The following CLEC4C variants were observed in gnomAD, a reference collection of about 807,000 sequenced individuals.
CLEC4C encodes the protein C-type (calcium dependent, carbohydrate-recognition domain) lectin, superfamily member 11.
CLEC4C carries 17 observed loss-of-function variants against 27.7 expected under a neutral mutation model. That is an observed-to-expected ratio of 0.61 (90% CI 0.42 to 0.92). CLEC4C has a LOEUF of 0.92. Ranked by LOEUF, CLEC4C falls within the 40% of genes least tolerant of loss-of-function variation. The pLI is 0.00. For missense variants in CLEC4C, 244 were observed against 257.3 expected (o/e 0.95, Z 0.35); for synonymous variants, 80 against 80.8 (o/e 0.99, Z 0.06).
chr12:7,730,375 TCA>T (rs1592087014), intron 5 of CLEC4C, among the ~76,000 whole-genome samples: 1 of 152,312 alleles, frequency 6.6e-6, no homozygotes, highest in East Asian at 1.9e-4. Context: ...GGATGGTGGC[TCA>T]CACCTGTAAT....
Position 7,730,863 on chromosome 12 carries a change from A to C in CLEC4C, c.431T>G (p.Leu144Arg). ...ATGTCGCCGACCCCCTGGATCTGAC[A>C]GCCCCAGAAAATAAGAAGAATTTCT... The part of the protein sequence containing the change: ...LKRNSSYFLG[L>R]SDPGGRRHWQ... Residue 144 changes from leucine to arginine, a missense_variant, in exon 5 of 6, where the codon CTG becomes CGG. Transcript: ENST00000360345. 6.2e-7 allele frequency: 1 copy of C among 1,610,352 alleles called. No homozygotes were observed. Among genetic ancestry groups the C allele is most frequent in the Non-Finnish European group, 8.5e-7 (1 of 1,176,850 alleles).
upstream of CLEC4C, among the ~76,000 whole-genome samples, chr12:7,748,255 C>T (rs781023049): frequency 2.6e-5 from 4 of 152,256 alleles, no homozygotes; most frequent in Admixed American, 2.0e-4. Flanking sequence ...GAGCTGGGCA[C>T]GGTGGCTCAT....
chr12:7,739,261 C>G (rs1864799839), intron 3 of CLEC4C, among the ~76,000 whole-genome samples: 1 of 151,732 alleles, frequency 6.6e-6, no homozygotes, highest in African/African-American at 2.4e-5. Context: ...TACAGGTGCC[C>G]GCCACCACGC....
chr12:7,747,309 A>G lies in CLEC4C; in HGVS notation c.31+9T>C. 6.2e-7 allele frequency: 1 copy of G among 1,613,894 alleles called. No individual in the cohort carries two copies. ...TACCTTCCCTAGAACTGAGAAGATGAGTGCTTACCTCGGTCTTGAGGCTCT... is the reference window on the plus strand; with the variant it reads ...TACCTTCCCTAGAACTGAGAAGATGGGTGCTTACCTCGGTCTTGAGGCTCT... On this transcript the variant is annotated intron_variant, in intron 1 of 5. Coordinates refer to ENST00000360345, the MANE Select transcript of CLEC4C (RefSeq NM_001371390.1).
At position 7,738,962 on chromosome 12, in the gene CLEC4C, C is replaced by A. The variant is rs191649994; in HGVS notation, c.236-1388G>T. ...TATCTCCTAATGCTATCCCTCCCCCCTCCCCACCCCACAACAGGCCCCAGT... is the reference window on the plus strand; with the variant it reads ...TATCTCCTAATGCTATCCCTCCCCCATCCCCACCCCACAACAGGCCCCAGT... On this transcript the variant is annotated intron_variant, in intron 3 of 5. Coordinates refer to ENST00000360345, the MANE Select transcript of CLEC4C (RefSeq NM_001371390.1). Among the ~76,000 whole-genome samples, 4 of 131,502 alleles carry A rather than the reference C, an allele frequency of 3.0e-5. No individual in the cohort carries two copies. In the East Asian group the frequency reaches 1.1e-3, roughly 35 times the overall value. 86.3% of individuals were successfully genotyped at this position (131,502 alleles called of 152,430 possible).
upstream of CLEC4C, chr12:7,747,455 C>T (rs750492395): frequency 4.3e-6 from 5 of 1,154,550 alleles, no homozygotes; most frequent in Admixed American, 8.6e-5. Flanking sequence ...TTCAAACAAG[C>T]CAAGCCCTTA....
chr12:7,735,038 T>C (rs780892762), intron 4 of CLEC4C, among the ~76,000 whole-genome samples: 19 of 151,330 alleles, frequency 1.3e-4, no homozygotes, highest in Non-Finnish European at 2.7e-4. Context: ...CTGTCTCTAC[T>C]AAAAATACAA....
chr12:7,739,262 G>C (rs1460492415), intron 3 of CLEC4C, among the ~76,000 whole-genome samples: 2 of 151,726 alleles, frequency 1.3e-5, no homozygotes, highest in African/African-American at 4.8e-5. Flanking sequence ...ACAGGTGCCC[G>C]CCACCACGCC....
At position 7,743,424 on chromosome 12, in the gene CLEC4C, G is replaced by A. The variant is rs145368961; in HGVS notation, c.125-1893C>T. On this transcript the variant is annotated intron_variant, in intron 2 of 5. Transcript: ENST00000360345. ...TTTTGAGATGGAGTCTTGCTCTGTC[G>A]CCCAGGCTGGAGTGCAGTGGCGCGA... is the stretch of plus-strand genomic sequence containing the variant. 2.7e-3 allele frequency among the ~76,000 whole-genome samples: 397 copies of A among 146,504 alleles called. 3 individuals are homozygous for A. Among genetic ancestry groups the A allele is most frequent in the African/African-American group, 9.4e-3 (370 of 39,472 alleles).
At chr12:7,731,912 T>G (rs931691988) in intron 4 of CLEC4C, among the ~76,000 whole-genome samples, 3 of 152,112 alleles carry the variant, frequency 2.0e-5, no homozygotes, top group Admixed American at 2.0e-4. Flanking sequence ...CGAGCTCACG[T>G]TATTGCACTC....
At chr12:7,747,632 CTTTTTTTTT>C (rs201227947), upstream of CLEC4C, 431 of 88,432 alleles carry the variant, frequency 4.9e-3, 9 homozygotes, top group African/African-American at 0.016. Context: ...GTCTGATTGT[CTTTTTTTTT>C]TTTTTTTTTT....
At position 7,741,389 on chromosome 12, in the gene CLEC4C, G is replaced by A. The variant is rs116721896; in HGVS notation, c.235+32C>T. ...AGACTAGGAATTTGATTAATAGCAAGGGAAGTCTTGTTGCCCATTGCAGAG... is the reference window on the plus strand; with the variant it reads ...AGACTAGGAATTTGATTAATAGCAAAGGAAGTCTTGTTGCCCATTGCAGAG... On this transcript the variant is annotated intron_variant, in intron 3 of 5. Transcript: ENST00000360345. The A allele has an allele frequency of 1.8e-3, 2,045 of 1,138,822 alleles. 38 individuals are homozygous for A. In the African/African-American group the frequency reaches 0.026, roughly 14 times the overall value. The allele number at this position is 1,138,822 out of a possible 1,614,324, so 70.5% of individuals were successfully genotyped here.
rs374133960 is a variant in CLEC4C, at chr12:7,747,357, C to T, written c.-9G>A. 119 of 1,613,708 alleles carry T rather than the reference C, an allele frequency of 7.4e-5. No homozygotes were observed. The highest frequency in any genetic ancestry group is 9.2e-5 in the Non-Finnish European group (109 of 1,179,836). On this transcript the variant is annotated 5_prime_UTR_variant, in exon 1 of 6. Coordinates refer to ENST00000360345, the MANE Select transcript of CLEC4C (RefSeq NM_001371390.1). ...TCTTCTTCAGGCACCATTGTGTGTG[C>T]GCACACCCTTTGGACTTCCTCTATC... is the stretch of plus-strand genomic sequence containing the variant.
intron 3 of CLEC4C, among the ~76,000 whole-genome samples, chr12:7,739,488 C>A (rs1038627614): frequency 3.3e-5 from 5 of 151,964 alleles, no homozygotes; most frequent in Non-Finnish European, 7.4e-5. Flanking sequence ...GCCATAGAGG[C>A]ATTTCTGGGG....
At chr12:7,748,622 C>T (rs1865038938), upstream of CLEC4C, among the ~76,000 whole-genome samples, 1 of 152,102 alleles carries the variant, frequency 6.6e-6, no homozygotes, top group South Asian at 2.1e-4. Flanking sequence ...GCTGAAACAA[C>T]TTAAAGTCCT....
chr12:7,739,114 T>C (rs1191102505), intron 3 of CLEC4C, among the ~76,000 whole-genome samples: 2 of 151,746 alleles, frequency 1.3e-5, no homozygotes, highest in African/African-American at 4.8e-5. Context: ...GAATGAATTA[T>C]TTCATTCTTT....
intron 2 of CLEC4C, among the ~76,000 whole-genome samples, chr12:7,745,579 C>T (rs898143635): frequency 2.0e-5 from 3 of 151,388 alleles, no homozygotes; most frequent in East Asian, 3.9e-4. Context: ...ATTACAGGCG[C>T]GAGTCACTGC....
intron 4 of CLEC4C, 112 bp downstream of exon 4, chr12:7,737,316 AC>A: frequency 1.1e-6 from 1 of 927,308 alleles, no homozygotes; most frequent in Non-Finnish European, 1.5e-6. Flanking sequence ...GTTTTTTTTT[AC>A]CCAGAAGTTT....
At chr12:7,730,050 T>C (rs980382800) in intron 5 of CLEC4C, among the ~76,000 whole-genome samples, 4 of 152,210 alleles carry the variant, frequency 2.6e-5, no homozygotes, top group African/African-American at 9.6e-5. Context: ...GCCATCCCTA[T>C]GTCCAATTGC....
Sources: allele counts gnomAD v4.1 joint callset (sites outside exome capture counted in the v4.1 genomes callset), GRCh38; gene constraint gnomAD v4.1.1; transcripts MANE v1.5; gene names NCBI Gene and HGNC (gene_info 2026-07-23, HGNC 2026-07-21).